WDR35: variants seen among roughly 807,000 people sequenced by gnomAD.
The protein encoded by WDR35 is WD repeat domain 35, also known as WD repeat-containing protein 35.
Under a neutral mutation model 158.3 loss-of-function variants are expected in WDR35, and 118 were observed. That is an observed-to-expected ratio of 0.75 (90% CI 0.64 to 0.87). The LOEUF (loss-of-function observed/expected upper bound fraction) is 0.87, where lower values mean the gene tolerates loss of function less well. WDR35 is among the 40% of genes least tolerant of loss of function. The pLI is 0.00. For missense variants in WDR35, 1,263 were observed against 1,405.8 expected, an observed-to-expected ratio of 0.90 and a Z score of 1.62; for synonymous variants, 448 against 476.1, an observed-to-expected ratio of 0.94 and a Z score of 0.77.
chr2:19,925,729 C>T (rs10211513), intron 25 of WDR35, among the ~76,000 whole-genome samples: 30,487 of 152,010 alleles, frequency 0.2, 3,336 homozygotes, highest in East Asian at 0.4. Flanking sequence ...CAATGGGGAG[C>T]ACAAGTTCTA....
In WDR35 at chr2:19,989,252, A is replaced by C; in HGVS notation, c.55T>G (p.Cys19Gly). The C allele has an allele frequency of 6.2e-7, 1 of 1,614,232 alleles. No homozygotes were observed. Among genetic ancestry groups the C allele is most frequent in the African/African-American group, 1.3e-5 (1 of 75,060 alleles). The change falls in exon 2 of 27, where the codon TGT (cysteine) becomes GGT (glycine). Residue 19 changes from cysteine to glycine, a missense_variant. Transcript: ENST00000281405. ...ISIPNNVKLQ[C>G]VSWNKEQGFI... Reference sequence around the variant, plus strand: ...CCTTGTTCCTTGTTCCAGGATACACACTGCAGCTTCACGTTATTGGGAATG... The same window carrying C: ...CCTTGTTCCTTGTTCCAGGATACACCCTGCAGCTTCACGTTATTGGGAATG...
chr2:19,952,419 A>T (rs564098725), intron 12 of WDR35, among the ~76,000 whole-genome samples: 1 of 152,350 alleles, frequency 6.6e-6, no homozygotes, highest in East Asian at 1.9e-4. Flanking sequence ...CTGAGTTCTA[A>T]GGGGAACCTA....
At chr2:19,919,154 G>T (rs568815166) in intron 25 of WDR35, among the ~76,000 whole-genome samples, 1 of 152,208 alleles carries the variant, frequency 6.6e-6, no homozygotes, top group African/African-American at 2.4e-5. Context: ...GCCAAGGCGG[G>T]TGGGTCACGA....
chr2:19,917,440 C>T (rs1054106435), intron 25 of WDR35, among the ~76,000 whole-genome samples: 17 of 152,180 alleles, frequency 1.1e-4, no homozygotes, highest in African/African-American at 4.1e-4. Context: ...TAATAACAAA[C>T]TCCTCCAAGG....
Position 19,933,486 on chromosome 2 carries a change from A to G in WDR35, c.2573T>C (p.Val858Ala), listed in dbSNP as rs759587265. ...AGTCACTGCTTGTTCACACATTCCA[A>G]CTCTGACAAACATTTGTGCTATTTC... ...LPEIAQMFVR[V>A]GMCEQAVTAF... is the part of the protein sequence containing the mutation. Residue 858 changes from valine to alanine, a missense_variant, in exon 22 of 27, where the codon GTT becomes GCT. Physicochemically the swap from Val to Ala is moderately conservative, Grantham distance 64. Transcript: ENST00000281405. 7.4e-5 allele frequency: 120 copies of G among 1,613,556 alleles called. 2 individuals carry two copies. In the East Asian group the frequency reaches 2.0e-3, roughly 27 times the overall value.
At chr2:19,922,174 A>T (rs1670189517) in intron 25 of WDR35, among the ~76,000 whole-genome samples, 1 of 152,204 alleles carries the variant, frequency 6.6e-6, no homozygotes, top group South Asian at 2.1e-4. Context: ...TTCCTCAAGG[A>T]TCTAGAACTA....
intron 11 of WDR35, among the ~76,000 whole-genome samples, chr2:19,956,015 C>G (rs945460625): frequency 2.0e-5 from 3 of 152,170 alleles, no homozygotes; most frequent in Admixed American, 2.0e-4. Flanking sequence ...GGAAGGAGCA[C>G]TTTGCTGAAA....
intron 13 of WDR35, 99 bp from the exon 14 acceptor site, chr2:19,948,316 T>G (rs536315839): frequency 1.8e-6 from 2 of 1,116,798 alleles, no homozygotes; most frequent in Non-Finnish European, 1.3e-6. Flanking sequence ...TCAATATTTC[T>G]TAACTTAACC....
intron 11 of WDR35, 104 bp downstream of exon 11, chr2:19,960,450 T>G (rs1671605724): frequency 1.1e-5 from 10 of 945,198 alleles, no homozygotes; most frequent in Non-Finnish European, 1.5e-5. Context: ...TCATCCTCGT[T>G]TTAGAAAACA....
At chr2:19,926,386 T>C (rs1306792003) in intron 25 of WDR35, among the ~76,000 whole-genome samples, 6 of 152,234 alleles carry the variant, frequency 3.9e-5, no homozygotes, top group African/African-American at 1.4e-4. Flanking sequence ...AAGGTTAAGT[T>C]TTCCAGACGC....
intron 17 of WDR35, among the ~76,000 whole-genome samples, chr2:19,940,162 T>C (rs1277413967): frequency 7.0e-6 from 1 of 142,094 alleles, no homozygotes; most frequent in African/African-American, 2.6e-5. Context: ...AGACCACCCT[T>C]GACCAACATG....
intron 25 of WDR35, among the ~76,000 whole-genome samples, chr2:19,929,444 G>T (rs978023043): frequency 6.6e-6 from 1 of 152,140 alleles, no homozygotes; most frequent in Non-Finnish European, 1.5e-5. Context: ...GAGGAAGGGT[G>T]GGGTGTCATG....
intron 16 of WDR35, 73 bp from the exon 17 acceptor site, chr2:19,941,912 T>G (rs1670890539): frequency 8.9e-7 from 1 of 1,124,024 alleles, no homozygotes; most frequent in African/African-American, 1.6e-5. Flanking sequence ...TGCTTTTAAA[T>G]TTTATTATCA....
intron 25 of WDR35, among the ~76,000 whole-genome samples, chr2:19,925,023 C>T (rs1481856884): frequency 6.6e-6 from 1 of 152,214 alleles, no homozygotes; most frequent in Non-Finnish European, 1.5e-5. Context: ...CCATTCCAAA[C>T]TGGTGCATTT....
chr2:19,922,317 C>T (rs2103387265), intron 25 of WDR35, among the ~76,000 whole-genome samples: 1 of 152,280 alleles, frequency 6.6e-6, no homozygotes, highest in Admixed American at 6.5e-5. Context: ...TTGGAGCCAA[C>T]CCAAATGCCC....
At chr2:19,922,105 T>G (rs1670185667) in intron 25 of WDR35, among the ~76,000 whole-genome samples, 1 of 152,238 alleles carries the variant, frequency 6.6e-6, no homozygotes. Flanking sequence ...ATAGGAATGC[T>G]TTTACACTGT....
intron 7 of WDR35, among the ~76,000 whole-genome samples, chr2:19,974,237 C>T (rs563254701): frequency 6.6e-6 from 1 of 152,000 alleles, no homozygotes; most frequent in African/African-American, 2.4e-5. Context: ...GGTGAAACCC[C>T]GTCTCTACGA....
chr2:19,962,231 C>T (rs1462114375), intron 10 of WDR35: 2 of 1,577,602 alleles, frequency 1.3e-6, no homozygotes, highest in African/African-American at 2.7e-5. Context: ...TTCTGATCAG[C>T]TATAACCTCA....
intron 8 of WDR35, among the ~76,000 whole-genome samples, chr2:19,972,812 A>G (rs1248570320): frequency 6.6e-6 from 1 of 152,116 alleles, no homozygotes; most frequent in African/African-American, 2.4e-5. Context: ...AAAAGCCAAC[A>G]GGGTATTCAA....
Sources: allele counts gnomAD v4.1 joint callset (sites outside exome capture counted in the v4.1 genomes callset), GRCh38; gene constraint gnomAD v4.1.1; transcripts MANE v1.5; gene names NCBI Gene and HGNC (gene_info 2026-07-23, HGNC 2026-07-21).